STRIP2: variants seen among roughly 807,000 people sequenced by gnomAD.
The protein encoded by STRIP2 is striatin-interacting protein 2.
Under a neutral mutation model 107.1 loss-of-function variants are expected in STRIP2, and 84 were observed. That is an observed-to-expected ratio of 0.78 (90% CI 0.66 to 0.94). The LOEUF (loss-of-function observed/expected upper bound fraction) is 0.94. Among genes scored for constraint, STRIP2 ranks in the 40% least tolerant of loss-of-function variants. The pLI is 0.00. For missense variants in STRIP2, 888 were observed against 1,034.2 expected (o/e 0.86, Z 1.94); for synonymous variants, 394 against 400.4 (o/e 0.98, Z 0.19).
At chr7:129,472,770 C>A (rs371308865) in intron 18 of STRIP2, among the ~76,000 whole-genome samples, 31 of 27,396 alleles carry the variant, frequency 1.1e-3, no homozygotes, top group African/African-American at 3.5e-3. Context: ...ATTTTCTTTT[C>A]TTTTCCTTTT....
Position 129,453,321 on chromosome 7 carries a change from C to A in STRIP2, c.504C>A (p.Phe168Leu). 1 of 1,614,146 alleles carries A rather than the reference C, an allele frequency of 6.2e-7. No individual in the cohort carries two copies. Among genetic ancestry groups the A allele is most frequent in the Non-Finnish European group, 8.5e-7 (1 of 1,179,998 alleles). ...ATCAGATGGGGACCTTCTCCACCTT[C>A]CTGGAGCTACTCCACATGGAAATTG... ...LLYQMGTFST[F>L]LELLHMEIDN... The change falls in exon 5 of 21, where the codon TTC (phenylalanine) becomes TTA (leucine). Residue 168 changes from phenylalanine (F) to leucine (L), a missense_variant. Physicochemically the swap from Phe to Leu is conservative, Grantham distance 22 (BLOSUM62 0). Coordinates refer to ENST00000249344, the MANE Select transcript of STRIP2 (RefSeq NM_020704.3).
intron 4 of STRIP2, 89 bp downstream of exon 4, chr7:129,451,836 G>T (rs1215806894): frequency 1.3e-6 from 2 of 1,507,452 alleles, no homozygotes. Context: ...AGGCTGTGCT[G>T]GGAAAGCAAG....
chr7:129,487,719 T>A lies in STRIP2; in HGVS notation c.*1890T>A, dbSNP rs1174056231. 3 of 152,212 alleles carry A rather than the reference T, an allele frequency of 2.0e-5. No individual in the cohort carries two copies. Among genetic ancestry groups the A allele is most frequent in the Non-Finnish European group, 4.4e-5 (3 of 68,030 alleles). 9.4% of individuals were successfully genotyped at this position (152,212 alleles called of 1,614,324 possible). On this transcript the variant is annotated 3_prime_UTR_variant, in exon 21 of 21. Coordinates refer to ENST00000249344, the MANE Select transcript of STRIP2 (RefSeq NM_020704.3). ...CCTGTAAATTAATCTACAGTCAGGC[T>A]AGTATGATTTTAATATGATTTGAGT...
chr7:129,476,210 C>G (rs1252824442), intron 18 of STRIP2, among the ~76,000 whole-genome samples: 80 of 151,570 alleles, frequency 5.3e-4, no homozygotes, highest in African/African-American at 1.8e-3. Context: ...ACCTCCCTCC[C>G]GGACGGGGCG....
intron 1 of STRIP2, 66 bp from the exon 2 acceptor site, chr7:129,439,956 C>T: frequency 8.0e-7 from 1 of 1,245,736 alleles, no homozygotes. Context: ...AATAAGGGTA[C>T]AGTCTTCCCT....
intron 1 of STRIP2, among the ~76,000 whole-genome samples, chr7:129,439,302 GCA>G (rs1337727336): frequency 6.6e-6 from 1 of 152,126 alleles, no homozygotes; most frequent in Non-Finnish European, 1.5e-5. Flanking sequence ...TCACGCTGAG[GCA>G]CAGAGAGGTT....
At chr7:129,437,280 A>C (rs1584929761) in intron 1 of STRIP2, among the ~76,000 whole-genome samples, 1 of 152,092 alleles carries the variant, frequency 6.6e-6, no homozygotes, top group African/African-American at 2.4e-5. Context: ...CTACAAATAA[A>C]TAAAAAATAA....
chr7:129,457,969 T>C (rs1434263518), intron 9 of STRIP2: 1 of 512,052 alleles, frequency 2.0e-6, no homozygotes, highest in African/African-American at 1.9e-5. Flanking sequence ...AGCTAAGTAA[T>C]TGTGACTTTG....
At chr7:129,437,804 T>C (rs1451363111) in intron 1 of STRIP2, among the ~76,000 whole-genome samples, 1 of 150,986 alleles carries the variant, frequency 6.6e-6, no homozygotes, top group Non-Finnish European at 1.5e-5. Context: ...TCGCCTTGTT[T>C]TTTTTTGTTT....
At position 129,454,248 on chromosome 7, in the gene STRIP2, T is replaced by C. The variant is rs755516218; in HGVS notation, c.599+38T>C. ...AACTATGGGCTTGGAACAGGGCAGATGATTAGCACCTGGGTTACCTTTTCC... is the reference window on the plus strand; with the variant it reads ...AACTATGGGCTTGGAACAGGGCAGACGATTAGCACCTGGGTTACCTTTTCC... On this transcript the variant is annotated intron_variant, in intron 6 of 20. Transcript: ENST00000249344. 4 of 1,602,572 alleles carry C rather than the reference T, an allele frequency of 2.5e-6. No individual in the cohort carries two copies. In the East Asian group the frequency reaches 6.7e-5, roughly 27 times the overall value.
At chr7:129,448,550 C>G (rs1287959538) in intron 3 of STRIP2, among the ~76,000 whole-genome samples, 1 of 152,144 alleles carries the variant, frequency 6.6e-6, no homozygotes, top group African/African-American at 2.4e-5. Flanking sequence ...AGTCTTTCGT[C>G]CATTCGACCT....
intron 20 of STRIP2, among the ~76,000 whole-genome samples, chr7:129,485,151 A>C (rs1799212819): frequency 6.6e-6 from 1 of 152,120 alleles, no homozygotes; most frequent in African/African-American, 2.4e-5. Flanking sequence ...CAGATGGGAC[A>C]CTCATCCCCT....
At chr7:129,454,836 T>C (rs927301951) in intron 7 of STRIP2, among the ~76,000 whole-genome samples, 3 of 152,208 alleles carry the variant, frequency 2.0e-5, no homozygotes, top group African/African-American at 7.2e-5. Context: ...TTGAATCACC[T>C]TGAAAACTGA....
chr7:129,453,426 CACTATAGAGA>C (rs1798253375), intron 5 of STRIP2, 79 bp downstream of exon 5: 1 of 1,566,130 alleles, frequency 6.4e-7, no homozygotes, highest in Admixed American at 1.8e-5. Context: ...CTGCTTCCCT[CACTATAGAGA>C]CCCCCTGTGA....
chr7:129,458,477 T>TG lies in STRIP2; in HGVS notation c.1274+27_1274+28insG. The TG allele has an allele frequency of 6.8e-7, 1 of 1,471,642 alleles. No individual in the cohort carries two copies. Among genetic ancestry groups the TG allele is most frequent in the Non-Finnish European group, 9.2e-7 (1 of 1,092,008 alleles). 91.2% of individuals were successfully genotyped at this position (1,471,642 alleles called of 1,614,324 possible). A position where few individuals can be genotyped will look rare whatever the true frequency, so the allele number is the denominator to read the frequency against. On this transcript the variant is annotated intron_variant, in intron 10 of 20. Coordinates refer to ENST00000249344, the MANE Select transcript of STRIP2 (RefSeq NM_020704.3). This position sits in a 1 kb window ranked among gnomAD's most constrained non-coding sequence, Gnocchi z 4.6. ...TAGGTTTGATAGCATCAGGGACCCC[T>TG]ATGCTTCGGGGTTTCAGTCTCCAAA...
intron 19 of STRIP2, among the ~76,000 whole-genome samples, chr7:129,481,387 C>T (rs1432710443): frequency 6.6e-6 from 1 of 152,034 alleles, no homozygotes; most frequent in East Asian, 1.9e-4. Context: ...GTCCCAGCTA[C>T]TCGGGAGGCT....
At chr7:129,453,834 G>T (rs2150997383) in intron 5 of STRIP2, among the ~76,000 whole-genome samples, 1 of 152,220 alleles carries the variant, frequency 6.6e-6, no homozygotes, top group South Asian at 2.1e-4. Flanking sequence ...TTTGAGATAG[G>T]GTGCAATCTG....
intron 19 of STRIP2, among the ~76,000 whole-genome samples, chr7:129,482,381 T>A (rs1374633148): frequency 1.8e-3 from 183 of 101,390 alleles, no homozygotes; most frequent in Middle Eastern, 5.0e-3. Context: ...ATATATATTT[T>A]TTTTTTTTTT....
At chr7:129,455,771 T>G (rs1798329588) in intron 8 of STRIP2, among the ~76,000 whole-genome samples, 2 of 152,190 alleles carry the variant, frequency 1.3e-5, no homozygotes. Flanking sequence ...TCCCTCCAGA[T>G]AAACAGAGGT....
Sources: gnomAD v4.1 joint callset for allele counts (sites outside exome capture counted in the v4.1 genomes callset) on GRCh38, gnomAD v4.1.1 for gene constraint, Gnocchi (gnomAD v3.1) non-coding constraint, MANE v1.5 for transcripts, NCBI Gene and HGNC (gene_info 2026-07-23, HGNC 2026-07-21) for gene names.